The following FOXK1 variants were observed in gnomAD, a reference collection of about 807,000 sequenced individuals.
FOXK1 encodes the protein forkhead box K1, also known as forkhead box protein K1.
A neutral mutation model predicts 51.9 loss-of-function variants in FOXK1; 19 were observed. That is an observed-to-expected ratio of 0.37 (90% confidence interval 0.26 to 0.54). The LOEUF is 0.54. Ranked by LOEUF, FOXK1 falls within the 20% of genes least tolerant of loss-of-function variation. FOXK1 has a pLI of 0.87. For synonymous variants in FOXK1, 537 were observed against 482.6 expected, an observed-to-expected ratio of 1.11 and a Z score of -1.48; for missense variants, 870 against 1,032.7, an observed-to-expected ratio of 0.84 and a Z score of 2.16.
At chr7:4,713,578 C>G (rs1240097876) in intron 1 of FOXK1, among the ~76,000 whole-genome samples, 1 of 151,382 alleles carries the variant, frequency 6.6e-6, no homozygotes, top group Non-Finnish European at 1.5e-5. Context: ...CACAACCTCC[C>G]CCTCCTGGGT....
In FOXK1 at chr7:4,756,918, C is replaced by G; in HGVS notation, c.1051-76C>G. On this transcript the variant is annotated intron_variant, in intron 4 of 8. Transcript: ENST00000328914. This position sits in a 1 kb window ranked among gnomAD's most constrained non-coding sequence, Gnocchi z 4.1. The stretch of plus-strand genomic sequence containing the variant: ...GCCTCCCCTCACCCTGGTCCCGCAT[C>G]TGCTGCAGATTTGAGGTGGGTGGGA... 2 of 1,514,972 alleles carry G rather than the reference C, an allele frequency of 1.3e-6. No individual in the cohort carries two copies. Among genetic ancestry groups the G allele is most frequent in the Non-Finnish European group, 1.8e-6 (2 of 1,112,066 alleles). 93.8% of individuals were successfully genotyped at this position (1,514,972 alleles called of 1,614,324 possible). A position where few individuals can be genotyped will look rare whatever the true frequency, so the allele number is the denominator to read the frequency against.
chr7:4,698,195 A>C (rs567722145), intron 1 of FOXK1, among the ~76,000 whole-genome samples: 1 of 152,148 alleles, frequency 6.6e-6, no homozygotes, highest in African/African-American at 2.4e-5. Flanking sequence ...GATGAGTCCA[A>C]ATAACTCCTG....
rs548011414 is a variant in FOXK1 at position 4,755,031 on chromosome 7, C to T, written c.904-206C>T. On this transcript the variant is annotated intron_variant, in intron 3 of 8. Coordinates refer to ENST00000328914, the MANE Select transcript of FOXK1 (RefSeq NM_001037165.2). This position sits in a 1 kb window ranked among gnomAD's most constrained non-coding sequence, Gnocchi z 6.6. Reference sequence around the variant, plus strand: ...TTTCAGAATTAAATTATAATAAAACCGAAGTTTTCCTTCCCATGAGGCAAA... The same window carrying T: ...TTTCAGAATTAAATTATAATAAAACTGAAGTTTTCCTTCCCATGAGGCAAA... The T allele has an allele frequency of 1.5e-5, 9 of 599,418 alleles. No individual in the cohort carries two copies. Among genetic ancestry groups the T allele is most frequent in the African/African-American group, 5.6e-5 (3 of 53,946 alleles). 37.1% of individuals were successfully genotyped at this position (599,418 alleles called of 1,614,324 possible). A position where few individuals can be genotyped will look rare whatever the true frequency, so the allele number is the denominator to read the frequency against.
At chr7:4,754,859 C>G in intron 3 of FOXK1, 7 of 604,800 alleles carry the variant, frequency 1.2e-5, no homozygotes, top group Non-Finnish European at 2.0e-5. Context: ...CCCCTCCCGC[C>G]ACGCTCCTTG....
At position 4,761,153 on chromosome 7, in the gene FOXK1, G is replaced by T; in HGVS notation, c.1786G>T (p.Val596Phe). 6.2e-7 allele frequency: 1 copy of T among 1,612,784 alleles called. No individual in the cohort carries two copies. The highest frequency in any genetic ancestry group is 8.5e-7 in the Non-Finnish European group (1 of 1,180,010). Reference sequence around the variant, plus strand: ...GGTGGCCAGCCAGATGGCCCCCGGGGTCCCCGGACACACGGTCACCATCCT... The same window carrying T: ...GGTGGCCAGCCAGATGGCCCCCGGGTTCCCCGGACACACGGTCACCATCCT... Reference protein sequence around the residue: ...QTVASQMAPGVPGHTVTILQP... With the variant: ...QTVASQMAPGFPGHTVTILQP... Residue 596 changes from valine to phenylalanine, a missense_variant, in exon 8 of 9, where the codon GTC becomes TTC. By Grantham distance (50) the Val-to-Phe change is conservative (BLOSUM62 -1). Coordinates refer to ENST00000328914, the MANE Select transcript of FOXK1 (RefSeq NM_001037165.2). The surrounding 1 kb of genome is among the most constrained non-coding windows in gnomAD (Gnocchi z 6.2).
intron 1 of FOXK1, among the ~76,000 whole-genome samples, chr7:4,690,545 T>G (rs147583499): frequency 5.9e-5 from 9 of 152,384 alleles, no homozygotes; most frequent in African/African-American, 2.2e-4. Flanking sequence ...TTTTTTGGGC[T>G]TGCCGCCCAT....
At position 4,769,312 on chromosome 7, in the gene FOXK1, G is replaced by A. The variant is rs968064931; in HGVS notation, c.*6848G>A. The A allele has an allele frequency of 6.6e-6, 1 of 152,178 alleles. No individual in the cohort carries two copies. The highest frequency in any genetic ancestry group is 6.6e-5 in the Admixed American group (1 of 15,266). 9.4% of individuals were successfully genotyped at this position (152,178 alleles called of 1,614,324 possible). On this transcript the variant is annotated 3_prime_UTR_variant, in exon 9 of 9. Transcript: ENST00000328914. The surrounding 1 kb of genome is among the most constrained non-coding windows in gnomAD (Gnocchi z 4.1). Reference sequence around the variant, plus strand: ...GTGAAGCTGCTGAACACTGGCTGCGGAGGGCCCCCCGCCCCCATCCCGCTT... The same window carrying A: ...GTGAAGCTGCTGAACACTGGCTGCGAAGGGCCCCCCGCCCCCATCCCGCTT...
chr7:4,709,304 A>G lies in FOXK1; in HGVS notation c.560+26436A>G, dbSNP rs1331930774. Among the ~76,000 whole-genome samples the G allele has an allele frequency of 6.6e-6, 1 of 152,100 alleles. No homozygotes were observed. The highest frequency in any genetic ancestry group is 1.9e-4 in the East Asian group (1 of 5,176). On this transcript the variant is annotated intron_variant, in intron 1 of 8. Coordinates refer to ENST00000328914, the MANE Select transcript of FOXK1 (RefSeq NM_001037165.2). This position sits in a 1 kb window ranked among gnomAD's most constrained non-coding sequence, Gnocchi z 5.6. ...GTCCGGGATCCCTCCTTGTTAGGCC[A>G]GGTCAGCGTGAGGCCGCCTACTGTG...
chr7:4,709,266 A>G lies in FOXK1; in HGVS notation c.560+26398A>G, dbSNP rs976219984. Reference sequence around the variant, plus strand: ...CCTGTCATCCCGAGAATCCCACTGCATGTTTTGGATCTGTCCGGGATCCCT... The same window carrying G: ...CCTGTCATCCCGAGAATCCCACTGCGTGTTTTGGATCTGTCCGGGATCCCT... On this transcript the variant is annotated intron_variant, in intron 1 of 8. Transcript: ENST00000328914. The surrounding 1 kb of genome is among the most constrained non-coding windows in gnomAD (Gnocchi z 5.6). Among the ~76,000 whole-genome samples, 4 of 151,774 alleles carry G rather than the reference A, an allele frequency of 2.6e-5. No individual in the cohort carries two copies. The highest frequency in any genetic ancestry group is 9.7e-5 in the African/African-American group (4 of 41,328).
intron 1 of FOXK1, among the ~76,000 whole-genome samples, chr7:4,708,123 C>G (rs1178664755): frequency 6.6e-6 from 1 of 152,124 alleles, no homozygotes; most frequent in Non-Finnish European, 1.5e-5. Flanking sequence ...CCGCCCCGCC[C>G]TCCAGGAGTG....
intron 1 of FOXK1, among the ~76,000 whole-genome samples, chr7:4,708,773 A>C (rs1174129677): frequency 1.3e-5 from 2 of 152,094 alleles, no homozygotes; most frequent in Non-Finnish European, 2.9e-5. Context: ...TTTAGAAAAG[A>C]GGCTGGTAAG....
chr7:4,758,616 T>TAC lies in FOXK1; in HGVS notation c.1245-435_1245-434insAC. The TAC allele has an allele frequency of 5.8e-6, 1 of 171,584 alleles. No individual in the cohort carries two copies. The highest frequency in any genetic ancestry group is 1.2e-5 in the Non-Finnish European group (1 of 81,356). The allele number at this position is 171,584 out of a possible 1,614,324, so 10.6% of individuals were successfully genotyped here. A position where few individuals can be genotyped will look rare whatever the true frequency, so the allele number is the denominator to read the frequency against. On this transcript the variant is annotated intron_variant, in intron 5 of 8. Coordinates refer to ENST00000328914, the MANE Select transcript of FOXK1 (RefSeq NM_001037165.2). The surrounding 1 kb of genome is among the most constrained non-coding windows in gnomAD (Gnocchi z 4.4). ...AGGACTTCAAAAAAGTGTTCGAACG[T>TAC]CATTTGCAGCATTTAAACTGAGCTC...
chr7:4,727,315 T>G (rs974316514), intron 1 of FOXK1, among the ~76,000 whole-genome samples: 9 of 152,088 alleles, frequency 5.9e-5, no homozygotes, highest in Non-Finnish European at 8.8e-5. Flanking sequence ...TTTTTAAATT[T>G]TATTTGTTTA....
rs1219076985 is a variant in FOXK1, at chr7:4,747,044, CTTTGGCGCTA to C, written c.746+6022_746+6031del. 6.6e-6 allele frequency among the ~76,000 whole-genome samples: 1 copy of C among 152,194 alleles called. No homozygotes were observed. The highest frequency in any genetic ancestry group is 1.5e-5 in the Non-Finnish European group (1 of 68,036). ...CTGCCTAGATCCCTTCGAGGGGCAA[CTTTGGCGCTA>C]AAGTGTTGGGAGTTCGGAATGAAGC... On this transcript the variant is annotated intron_variant, in intron 2 of 8. Coordinates refer to ENST00000328914, the MANE Select transcript of FOXK1 (RefSeq NM_001037165.2). This position sits in a 1 kb window ranked among gnomAD's most constrained non-coding sequence, Gnocchi z 9.2.
rs1385747536 is a variant in FOXK1, at chr7:4,747,093, C to T, written c.746+6070C>T. ...TCGGAATGAAGCTTGGTAGGGAAGTCCTTGTGTTTGTCCGAATCTGTTGAA... is the reference window on the plus strand; with the variant it reads ...TCGGAATGAAGCTTGGTAGGGAAGTTCTTGTGTTTGTCCGAATCTGTTGAA... On this transcript the variant is annotated intron_variant, in intron 2 of 8. Coordinates refer to ENST00000328914, the MANE Select transcript of FOXK1 (RefSeq NM_001037165.2). This position sits in a 1 kb window ranked among gnomAD's most constrained non-coding sequence, Gnocchi z 9.2. Among the ~76,000 whole-genome samples, 3 of 152,164 alleles carry T rather than the reference C, an allele frequency of 2.0e-5. No individual in the cohort carries two copies. The highest frequency in any genetic ancestry group is 3.9e-4 in the East Asian group (2 of 5,186).
At chr7:4,732,391 C>A (rs752665211) in intron 1 of FOXK1, among the ~76,000 whole-genome samples, 6 of 152,232 alleles carry the variant, frequency 3.9e-5, no homozygotes, top group Admixed American at 6.5e-5. Flanking sequence ...TGCCCAGGCT[C>A]AAGCCATCTT....
rs948846890 is a variant in FOXK1 at position 4,743,740 on chromosome 7, G to A, written c.746+2717G>A. 1.3e-5 allele frequency among the ~76,000 whole-genome samples: 2 copies of A among 152,182 alleles called. No individual in the cohort carries two copies. Among genetic ancestry groups the A allele is most frequent in the African/African-American group, 4.8e-5 (2 of 41,440 alleles). On this transcript the variant is annotated intron_variant, in intron 2 of 8. Transcript: ENST00000328914. The surrounding 1 kb of genome is among the most constrained non-coding windows in gnomAD (Gnocchi z 5.3). ...AGGCTGGTCCTGCTGCTTTTGGGGC[G>A]GGTAGCAAAGGCCTCAGGTCCAGAG...
At chr7:4,716,345 A>T (rs943809580) in intron 1 of FOXK1, among the ~76,000 whole-genome samples, 3 of 152,022 alleles carry the variant, frequency 2.0e-5, no homozygotes, top group South Asian at 2.1e-4. Flanking sequence ...ACAAAAAAAA[A>T]TTTTGTTGTG....
rs914537944 is a variant in FOXK1, at chr7:4,723,308, T to C, written c.561-17530T>C. On this transcript the variant is annotated intron_variant, in intron 1 of 8. Transcript: ENST00000328914. The surrounding 1 kb of genome is among the most constrained non-coding windows in gnomAD (Gnocchi z 4.7). ...CTGCCCGACTCCAGAGTGACAAATATAGCAAAAGAGCTTGTTGGTAAATAC... is the reference window on the plus strand; with the variant it reads ...CTGCCCGACTCCAGAGTGACAAATACAGCAAAAGAGCTTGTTGGTAAATAC... 2.0e-5 allele frequency among the ~76,000 whole-genome samples: 3 copies of C among 152,000 alleles called. No homozygotes were observed. Among genetic ancestry groups the C allele is most frequent in the African/African-American group, 4.8e-5 (2 of 41,392 alleles).
Sources: gnomAD v4.1 joint callset for allele counts (sites outside exome capture counted in the v4.1 genomes callset) on GRCh38, gnomAD v4.1.1 for gene constraint, Gnocchi (gnomAD v3.1) non-coding constraint, MANE v1.5 for transcripts, NCBI Gene and HGNC (gene_info 2026-07-23, HGNC 2026-07-21) for gene names.